The following UBE2D2 variants were observed in gnomAD, a reference collection of about 807,000 sequenced individuals.
The protein encoded by UBE2D2 is ubiquitin conjugating enzyme E2 D2, also known as ubiquitin-conjugating enzyme E2 D2.
In UBE2D2, 2 loss-of-function variants were observed where a neutral mutation model predicts 24.2. The ratio of observed to expected loss-of-function variants is 0.08; its 90% CI spans 0.03 to 0.26. UBE2D2 has a LOEUF of 0.26. UBE2D2 is among the 10% of genes least tolerant of loss of function. The probability of loss-of-function intolerance (pLI) is 1.00; values close to 1 mark genes in which losing one functional copy is unlikely to be tolerated. For synonymous variants in UBE2D2, 58 were observed against 56.5 expected (o/e 1.03, Z -0.12); for missense variants, 44 against 177.6 (o/e 0.25, Z 4.28).
chr5:139,628,147 AT>A lies in UBE2D2; in HGVS notation c.*1349del. ...GTCTACATAATTACTTTGCACTAAC[AT>A]TTGCAGGATGTTCACACAATTTTAA... On this transcript the variant is annotated 3_prime_UTR_variant, in exon 7 of 7. Transcript: ENST00000398733. 2.0e-5 allele frequency: 3 copies of A among 152,738 alleles called. No homozygotes were observed. In the Middle Eastern group the frequency reaches 0.01, roughly 520 times the overall value. 9.5% of individuals were successfully genotyped at this position (152,738 alleles called of 1,614,324 possible).
At chr5:139,544,110 CTAAG>C (rs911256450) in intron 1 of UBE2D2, among the ~76,000 whole-genome samples, 8 of 151,686 alleles carry the variant, frequency 5.3e-5, no homozygotes, top group South Asian at 4.2e-4. Flanking sequence ...ACAGGGATAA[CTAAG>C]TAACTGCTGT....
intron 1 of UBE2D2, chr5:139,562,160 G>C (rs891132428): frequency 1.5e-6 from 2 of 1,325,402 alleles, no homozygotes; most frequent in African/African-American, 1.5e-5. Context: ...CGAGGGGGGC[G>C]CTGGGGCGTT....
Position 139,533,932 on chromosome 5 carries a change from G to A in UBE2D2, c.-64+7320G>A, listed in dbSNP as rs551255169. On this transcript the variant is annotated intron_variant, in intron 1 of 6. Transcript: ENST00000511725. Reference sequence around the variant, plus strand: ...CGAGTAGCTGGGATTACAGGCGCCCGCCACCAAGCCTGGCTAATTTTTGTA... The same window carrying A: ...CGAGTAGCTGGGATTACAGGCGCCCACCACCAAGCCTGGCTAATTTTTGTA... 3.7e-4 allele frequency among the ~76,000 whole-genome samples: 56 copies of A among 151,120 alleles called. No homozygotes were observed. The South Asian group carries it at 5.5e-3, about 15-fold the overall frequency.
At chr5:139,537,527 G>A (rs1752701642) in intron 1 of UBE2D2, among the ~76,000 whole-genome samples, 1 of 151,974 alleles carries the variant, frequency 6.6e-6, no homozygotes, top group African/African-American at 2.4e-5. Flanking sequence ...CCCGGCTGGA[G>A]TGCAGTGGTT....
At chr5:139,560,035 GT>G (rs1167994026), upstream of UBE2D2, among the ~76,000 whole-genome samples, 293 of 133,940 alleles carry the variant, frequency 2.2e-3, no homozygotes, top group Middle Eastern at 3.8e-3. Context: ...CACGAGGTTG[GT>G]TTTTTTTTTT....
chr5:139,526,950 A>G (rs555792295), intron 1 of UBE2D2, among the ~76,000 whole-genome samples: 1 of 152,052 alleles, frequency 6.6e-6, no homozygotes, highest in Non-Finnish European at 1.5e-5. Context: ...TACCCTCTTT[A>G]CCCATTCTTT....
chr5:139,602,559 C>T (rs1037650846), intron 2 of UBE2D2, among the ~76,000 whole-genome samples: 4 of 151,948 alleles, frequency 2.6e-5, no homozygotes, highest in Admixed American at 2.6e-4. Context: ...ATGCCTGTAG[C>T]CCCAGCTACT....
At chr5:139,548,467 C>A (rs1384401068) in intron 1 of UBE2D2, among the ~76,000 whole-genome samples, 1 of 152,006 alleles carries the variant, frequency 6.6e-6, no homozygotes, top group Non-Finnish European at 1.5e-5. Flanking sequence ...ATCCCAGCCA[C>A]AAGATCACAG....
chr5:139,568,436 G>A (rs1470257373), intron 1 of UBE2D2, among the ~76,000 whole-genome samples: 1 of 151,818 alleles, frequency 6.6e-6, no homozygotes, highest in Non-Finnish European at 1.5e-5. Context: ...AAGACAGGTG[G>A]ATCACAAGGT....
In UBE2D2 at chr5:139,623,700, G is replaced by GT. The variant is rs1245683767; in HGVS notation, c.398+248dup. ...TCTACAAAAACTTTTTTTTTTGTTT[G>GT]TTTTTTTTTGAGACAGGGTCTTACT... is the stretch of plus-strand genomic sequence containing the variant. On this transcript the variant is annotated intron_variant, in intron 6 of 6. Coordinates refer to ENST00000398733, the MANE Select transcript of UBE2D2 (RefSeq NM_003339.3). 1,034 of 339,694 alleles carry GT rather than the reference G, an allele frequency of 3.0e-3. 1 individual carries two copies. Among genetic ancestry groups the GT allele is most frequent in the East Asian group, 3.9e-3 (85 of 21,634 alleles). The allele number at this position is 339,694 out of a possible 1,614,324, so 21.0% of individuals were successfully genotyped here. A position where few individuals can be genotyped will look rare whatever the true frequency, so the allele number is the denominator to read the frequency against.
intron 1 of UBE2D2, among the ~76,000 whole-genome samples, chr5:139,564,996 A>G (rs889118601): frequency 6.6e-6 from 1 of 152,152 alleles, no homozygotes; most frequent in Non-Finnish European, 1.5e-5. Flanking sequence ...GATCAGTTCT[A>G]TCTTATCTTC....
At chr5:139,596,025 C>T (rs1046043500) in intron 1 of UBE2D2, among the ~76,000 whole-genome samples, 1 of 147,794 alleles carries the variant, frequency 6.8e-6, no homozygotes, top group Non-Finnish European at 1.5e-5. Flanking sequence ...TCCCGAGTAG[C>T]TGGGACTACA....
intron 1 of UBE2D2, among the ~76,000 whole-genome samples, chr5:139,577,404 C>CTTTTTT (rs869189901): frequency 4.5e-4 from 31 of 69,120 alleles, no homozygotes; most frequent in Non-Finnish European, 5.4e-4. Context: ...TAGCATCTCT[C>CTTTTTT]TTTTTTTTTT....
At chr5:139,559,144 C>T (rs904853377), upstream of UBE2D2, among the ~76,000 whole-genome samples, 3 of 151,860 alleles carry the variant, frequency 2.0e-5, no homozygotes, top group African/African-American at 7.3e-5. Context: ...AAAAATCTGT[C>T]GGCCGGGCGC....
chr5:139,605,943 A>T (rs1042489128), intron 2 of UBE2D2, among the ~76,000 whole-genome samples: 6 of 151,684 alleles, frequency 4.0e-5, no homozygotes, highest in Non-Finnish European at 5.9e-5. Flanking sequence ...GGGTCTCACC[A>T]TGTTTCCTAC....
Position 139,616,512 on chromosome 5 carries a change from G to C in UBE2D2, c.304+1546G>C, listed in dbSNP as rs548630696. 2.0e-5 allele frequency among the ~76,000 whole-genome samples: 3 copies of C among 152,294 alleles called. No homozygotes were observed. In the East Asian group the frequency reaches 5.8e-4, roughly 29 times the overall value. On this transcript the variant is annotated intron_variant, in intron 5 of 6. Transcript: ENST00000398733. ...TCAGAAAAAAATTCAGATCCCAATAGATGAATGGACACAGGGGAACCAAAG... is the reference window on the plus strand; with the variant it reads ...TCAGAAAAAAATTCAGATCCCAATACATGAATGGACACAGGGGAACCAAAG...
At chr5:139,573,365 A>G (rs1476437129) in intron 1 of UBE2D2, among the ~76,000 whole-genome samples, 2 of 151,552 alleles carry the variant, frequency 1.3e-5, no homozygotes, top group East Asian at 1.9e-4. Context: ...TTATTTTGCT[A>G]TCAGTTTTAA....
chr5:139,581,794 G>C (rs1213766307), intron 1 of UBE2D2, among the ~76,000 whole-genome samples: 1 of 151,696 alleles, frequency 6.6e-6, no homozygotes, highest in Non-Finnish European at 1.5e-5. Flanking sequence ...TCAGCCTCCC[G>C]AGTAGCTGGG....
At chr5:139,559,749 C>G (rs531310602), upstream of UBE2D2, among the ~76,000 whole-genome samples, 1 of 152,072 alleles carries the variant, frequency 6.6e-6, no homozygotes. Flanking sequence ...CTGCAAGGTC[C>G]TTTCTGGATG....
Sources: allele counts gnomAD v4.1 joint callset (sites outside exome capture counted in the v4.1 genomes callset), GRCh38; gene constraint gnomAD v4.1.1; transcripts MANE v1.5; gene names NCBI Gene and HGNC (gene_info 2026-07-23, HGNC 2026-07-21).